The following NELL1 variants were observed in gnomAD, a reference collection of about 807,000 sequenced individuals.
NELL1 encodes the protein neural EGFL like 1.
In NELL1, 76 loss-of-function variants were observed where a neutral mutation model predicts 107.4. That is an observed-to-expected ratio of 0.71 (90% CI 0.59 to 0.86). NELL1 has a LOEUF of 0.86. NELL1 is among the 40% of genes least tolerant of loss of function. NELL1 has a pLI of 0.00. For synonymous variants in NELL1, 353 were observed against 341.2 expected (o/e 1.03, Z -0.38); for missense variants, 1,024 against 1,005.5 (o/e 1.02, Z -0.25).
chr11:21,186,119 G>A (rs1369892780), intron 13 of NELL1, among the ~76,000 whole-genome samples: 3 of 151,752 alleles, frequency 2.0e-5, no homozygotes, highest in African/African-American at 7.3e-5. Context: ...TGAATGAAAG[G>A]AAAAGTCTGA....
At chr11:20,754,738 G>A (rs1253693463) in intron 2 of NELL1, among the ~76,000 whole-genome samples, 6 of 152,142 alleles carry the variant, frequency 3.9e-5, no homozygotes, top group Non-Finnish European at 5.9e-5. Flanking sequence ...GCCTTATACT[G>A]ACATTAAAAT....
chr11:20,801,678 C>T (rs1318565450), intron 3 of NELL1, among the ~76,000 whole-genome samples: 1 of 152,098 alleles, frequency 6.6e-6, no homozygotes, highest in Non-Finnish European at 1.5e-5. Context: ...GAGAGTTTCC[C>T]CAATGTTTTC....
At chr11:21,088,742 A>G (rs556256398) in intron 12 of NELL1, among the ~76,000 whole-genome samples, 1 of 152,288 alleles carries the variant, frequency 6.6e-6, no homozygotes, top group Non-Finnish European at 1.5e-5. Flanking sequence ...CAAAATGGTT[A>G]TAGAGGGCAA....
At chr11:20,839,181 C>T (rs2134047092) in intron 3 of NELL1, among the ~76,000 whole-genome samples, 1 of 152,230 alleles carries the variant, frequency 6.6e-6, no homozygotes, top group Middle Eastern at 3.4e-3. Flanking sequence ...TTGTTAAATA[C>T]AGCATGGCTA....
chr11:21,223,815 G>T (rs959111913), intron 13 of NELL1, among the ~76,000 whole-genome samples: 2 of 152,138 alleles, frequency 1.3e-5, no homozygotes, highest in Non-Finnish European at 2.9e-5. Context: ...ACTTCCTGAT[G>T]TAGGACTTTG....
intron 14 of NELL1, among the ~76,000 whole-genome samples, chr11:21,326,284 G>A (rs1021095347): frequency 6.6e-6 from 1 of 150,450 alleles, no homozygotes; most frequent in African/African-American, 2.4e-5. Context: ...CTTATTGGCT[G>A]TATGTCTTCT....
intron 12 of NELL1, among the ~76,000 whole-genome samples, chr11:20,972,512 C>T (rs1400919638): frequency 1.3e-5 from 2 of 151,880 alleles, no homozygotes; most frequent in African/African-American, 2.4e-5. Context: ...CACACTGAGA[C>T]CGTAGCATGA....
chr11:20,773,914 C>T (rs1856690117), intron 2 of NELL1, among the ~76,000 whole-genome samples: 2 of 152,152 alleles, frequency 1.3e-5, no homozygotes, highest in Admixed American at 1.3e-4. Flanking sequence ...CTCTCTGGTC[C>T]TGCTCCAGGT....
At chr11:21,305,725 A>G (rs985389622) in intron 14 of NELL1, among the ~76,000 whole-genome samples, 1 of 151,894 alleles carries the variant, frequency 6.6e-6, no homozygotes, top group Admixed American at 6.6e-5. Context: ...TCTAGACAGT[A>G]TAGATTCTAT....
chr11:21,044,758 A>T (rs1256938732), intron 12 of NELL1, among the ~76,000 whole-genome samples: 1 of 152,126 alleles, frequency 6.6e-6, no homozygotes, highest in Non-Finnish European at 1.5e-5. Flanking sequence ...TTGGAGGATG[A>T]GAGTGTTTCT....
At chr11:21,208,539 G>A (rs79526005) in intron 13 of NELL1, among the ~76,000 whole-genome samples, 9,684 of 151,978 alleles carry the variant, frequency 0.064, 393 homozygotes, top group Non-Finnish European at 0.095. Flanking sequence ...TTACTAGAAA[G>A]GAGGAAGCTA....
intron 13 of NELL1, among the ~76,000 whole-genome samples, chr11:21,136,307 G>A (rs559848489): frequency 1.3e-5 from 2 of 152,280 alleles, no homozygotes; most frequent in East Asian, 3.9e-4. Flanking sequence ...GGGTAATGAG[G>A]TTGGAGTAAT....
intron 14 of NELL1, among the ~76,000 whole-genome samples, chr11:21,342,395 C>G (rs1850586231): frequency 1.6e-5 from 2 of 125,324 alleles, no homozygotes; most frequent in African/African-American, 6.4e-5. Context: ...AATCCCAGTG[C>G]TTTGAGAGGC....
chr11:20,981,261 T>C (rs1191877375), intron 12 of NELL1, among the ~76,000 whole-genome samples: 1 of 152,210 alleles, frequency 6.6e-6, no homozygotes, highest in East Asian at 1.9e-4. Context: ...TATCAAATTC[T>C]TAATTTTTTT....
intron 13 of NELL1, among the ~76,000 whole-genome samples, chr11:21,116,337 A>G (rs1243678109): frequency 6.6e-6 from 1 of 151,894 alleles, no homozygotes; most frequent in African/African-American, 2.4e-5. Flanking sequence ...CTCCGGTTCT[A>G]TCCTGGTCCC....
At chr11:21,303,136 C>T (rs138425374) in intron 14 of NELL1, among the ~76,000 whole-genome samples, 438 of 147,604 alleles carry the variant, frequency 3.0e-3, no homozygotes, top group Admixed American at 7.9e-3. Context: ...TATCTATACA[C>T]ATACATACAT....
At chr11:20,684,494 G>A (rs999862990) in intron 2 of NELL1, among the ~76,000 whole-genome samples, 1 of 151,906 alleles carries the variant, frequency 6.6e-6, no homozygotes, top group Non-Finnish European at 1.5e-5. Context: ...CTAACTCTTT[G>A]AATATATGAA....
intron 12 of NELL1, among the ~76,000 whole-genome samples, chr11:21,087,750 C>T (rs57892317): frequency 1.5e-4 from 23 of 152,082 alleles, no homozygotes; most frequent in East Asian, 1.2e-3. Context: ...GGCCTCCTGA[C>T]GGTTTTTTAA....
intron 15 of NELL1, among the ~76,000 whole-genome samples, chr11:21,414,427 T>C (rs1056543248): frequency 6.6e-6 from 1 of 152,162 alleles, no homozygotes; most frequent in African/African-American, 2.4e-5. Context: ...ATTATGAACA[T>C]TTTGAGAATG....
Sources: allele counts gnomAD v4.1 joint callset (sites outside exome capture counted in the v4.1 genomes callset), GRCh38; gene constraint gnomAD v4.1.1; transcripts MANE v1.5; gene names NCBI Gene and HGNC (gene_info 2026-07-23, HGNC 2026-07-21).